The following FHIT variants were observed in gnomAD, a reference collection of about 807,000 sequenced individuals.
FHIT encodes bis(5'-adenosyl)-triphosphatase.
A neutral mutation model predicts 17.9 loss-of-function variants in FHIT; 19 were observed. The ratio of observed to expected loss-of-function variants is 1.06; its 90% CI spans 0.74 to 1.56. FHIT has a LOEUF of 1.56. Ranked by LOEUF, FHIT falls within the 40% of genes most tolerant of loss-of-function variation. FHIT has a pLI of 0.00. For missense variants in FHIT, 248 were observed against 189.2 expected, an observed-to-expected ratio of 1.31 and a Z score of -1.82; for synonymous variants, 81 against 69.7, an observed-to-expected ratio of 1.16 and a Z score of -0.81.
At chr3:60,578,472 C>T (rs1223312317) in intron 4 of FHIT, among the ~76,000 whole-genome samples, 2 of 151,554 alleles carry the variant, frequency 1.3e-5, no homozygotes, top group East Asian at 3.9e-4. Context: ...CACACACACA[C>T]ACACGATAAA....
At chr3:61,095,177 G>A (rs1021140966) in intron 2 of FHIT, among the ~76,000 whole-genome samples, 7 of 152,176 alleles carry the variant, frequency 4.6e-5, no homozygotes, top group Non-Finnish European at 8.8e-5. Context: ...TACTAGTTCA[G>A]CCAGAGGATC....
At chr3:60,861,235 T>TCATATCATATATGATA (rs1559782047) in intron 3 of FHIT, among the ~76,000 whole-genome samples, 1 of 15,752 alleles carries the variant, frequency 6.3e-5, no homozygotes, top group African/African-American at 1.6e-4. Flanking sequence ...ATATGATATA[T>TCATATCATATATGATA]CATATCATAT....
intron 5 of FHIT, among the ~76,000 whole-genome samples, chr3:60,381,803 T>A (rs1429296562): frequency 7.5e-6 from 1 of 133,280 alleles, no homozygotes; most frequent in East Asian, 3.2e-4. Flanking sequence ...AATAGTGTGA[T>A]GATAATGGCT....
chr3:60,852,064 G>A (rs1286159972), intron 3 of FHIT, among the ~76,000 whole-genome samples: 2 of 152,068 alleles, frequency 1.3e-5, no homozygotes, highest in Non-Finnish European at 2.9e-5. Flanking sequence ...ATCAACAGAT[G>A]CAGTAAAGCA....
chr3:60,797,472 GTAGTAGTAGTA>G (rs2108135282), intron 4 of FHIT, among the ~76,000 whole-genome samples: 1 of 130,466 alleles, frequency 7.7e-6, no homozygotes, highest in East Asian at 2.1e-4. Flanking sequence ...AGTAGTAGTA[GTAGTAGTAGTA>G]GTAGTAGTAG....
intron 5 of FHIT, among the ~76,000 whole-genome samples, chr3:60,023,064 A>G (rs985696125): frequency 6.6e-6 from 1 of 152,360 alleles, no homozygotes; most frequent in African/African-American, 2.4e-5. Flanking sequence ...CAATATGAAA[A>G]TGAGCATGTT....
At chr3:60,478,291 C>A (rs1019818754) in intron 5 of FHIT, among the ~76,000 whole-genome samples, 8 of 152,288 alleles carry the variant, frequency 5.3e-5, no homozygotes, top group African/African-American at 7.2e-5. Flanking sequence ...ACAGCCAGGG[C>A]CCTTCCAAAC....
chr3:60,472,849 G>T (rs991730437), intron 5 of FHIT, among the ~76,000 whole-genome samples: 43 of 152,160 alleles, frequency 2.8e-4, no homozygotes, highest in African/African-American at 1.0e-3. Flanking sequence ...GGGTGGGGGT[G>T]GAGAATTTAA....
At chr3:60,263,697 G>A (rs1472185370) in intron 5 of FHIT, among the ~76,000 whole-genome samples, 1 of 151,870 alleles carries the variant, frequency 6.6e-6, no homozygotes, top group Non-Finnish European at 1.5e-5. Flanking sequence ...GCAAAACTGT[G>A]GAAGAAACTT....
intron 2 of FHIT, among the ~76,000 whole-genome samples, chr3:61,103,337 G>A (rs1425104206): frequency 1.3e-5 from 2 of 152,174 alleles, no homozygotes; most frequent in African/African-American, 4.8e-5. Flanking sequence ...GGAGCTGGTT[G>A]TTCAGTTTCC....
At chr3:60,127,739 T>C (rs1705622393) in intron 5 of FHIT, among the ~76,000 whole-genome samples, 1 of 152,118 alleles carries the variant, frequency 6.6e-6, no homozygotes, top group South Asian at 2.1e-4. Flanking sequence ...TAGCTAGCAC[T>C]ATTGGCGTGC....
At chr3:60,738,710 G>GAAAT (rs1350096397) in intron 4 of FHIT, among the ~76,000 whole-genome samples, 8 of 152,178 alleles carry the variant, frequency 5.3e-5, no homozygotes, top group African/African-American at 1.9e-4. Context: ...AAACACATGT[G>GAAAT]AAATGAATGA....
intron 5 of FHIT, among the ~76,000 whole-genome samples, chr3:60,253,200 C>A (rs1576373359): frequency 6.6e-6 from 1 of 152,170 alleles, no homozygotes; most frequent in East Asian, 1.9e-4. Context: ...AAAAAAGGCT[C>A]ATAATTAATA....
chr3:60,367,826 C>T (rs896908632), intron 5 of FHIT, among the ~76,000 whole-genome samples: 1 of 152,174 alleles, frequency 6.6e-6, no homozygotes, highest in African/African-American at 2.4e-5. Flanking sequence ...AGTCAAGCTC[C>T]ACCACTTTCA....
At chr3:60,269,974 T>C (rs535018105) in intron 5 of FHIT, among the ~76,000 whole-genome samples, 26 of 152,274 alleles carry the variant, frequency 1.7e-4, no homozygotes, top group African/African-American at 5.3e-4. Context: ...TTCAGGCCCA[T>C]AGCTTTCTCT....
intron 2 of FHIT, among the ~76,000 whole-genome samples, chr3:61,187,275 T>C (rs1379802782): frequency 6.6e-6 from 1 of 152,128 alleles, no homozygotes; most frequent in Non-Finnish European, 1.5e-5. Flanking sequence ...GACAAGAACA[T>C]AGACACAGCA....
At chr3:60,062,948 T>C (rs1035959054) in intron 5 of FHIT, among the ~76,000 whole-genome samples, 3 of 151,904 alleles carry the variant, frequency 2.0e-5, no homozygotes, top group African/African-American at 7.3e-5. Flanking sequence ...TGAAAAGGGA[T>C]GGAGGAGGAG....
chr3:61,188,230 TA>T (rs1239423856), intron 2 of FHIT, among the ~76,000 whole-genome samples: 1 of 152,036 alleles, frequency 6.6e-6, no homozygotes, highest in African/African-American at 2.4e-5. Flanking sequence ...ATAGATGCAG[TA>T]AAAAATGATA....
At chr3:61,250,940 T>G (rs2040608689) in intron 1 of FHIT, among the ~76,000 whole-genome samples, 1 of 152,198 alleles carries the variant, frequency 6.6e-6, no homozygotes, top group Non-Finnish European at 1.5e-5. Context: ...GGACGGATTT[T>G]CGCTACTTGT....
Sources: gnomAD v4.1 joint callset for allele counts (sites outside exome capture counted in the v4.1 genomes callset) on GRCh38, gnomAD v4.1.1 for gene constraint, MANE v1.5 for transcripts, NCBI Gene and HGNC (gene_info 2026-07-23, HGNC 2026-07-21) for gene names.